Variants in ERO1B observed in about 807,000 individuals in gnomAD.
The protein encoded by ERO1B is endoplasmic reticulum oxidoreductase 1 beta.
ERO1B carries 49 observed loss-of-function variants against 75.3 expected under a neutral mutation model. The observed-to-expected ratio is 0.65, with a 90% CI of 0.52 to 0.83. The LOEUF (loss-of-function observed/expected upper bound fraction) is 0.83, where lower values mean the gene tolerates loss of function less well. Among genes scored for constraint, ERO1B ranks in the 40% least tolerant of loss-of-function variants. The pLI is 0.00. For missense variants in ERO1B, 512 were observed against 560.1 expected (o/e 0.91, Z 0.87); for synonymous variants, 191 against 192.9 (o/e 0.99, Z 0.08).
At chr1:236,250,300 T>C (rs1022243023) in intron 4 of ERO1B, among the ~76,000 whole-genome samples, 2 of 151,826 alleles carry the variant, frequency 1.3e-5, no homozygotes, top group African/African-American at 4.8e-5. Context: ...TGAAACCCCG[T>C]CTCTACTAAA....
intron 8 of ERO1B, among the ~76,000 whole-genome samples, chr1:236,233,581 G>A (rs2102944601): frequency 6.6e-6 from 1 of 150,674 alleles, no homozygotes; most frequent in Middle Eastern, 3.4e-3. Context: ...CTGAGTGACA[G>A]AGTGCGACTC....
chr1:236,256,492 C>T (rs1298731162), intron 2 of ERO1B, among the ~76,000 whole-genome samples: 1 of 152,090 alleles, frequency 6.6e-6, no homozygotes, highest in Non-Finnish European at 1.5e-5. Context: ...CCTCCATGTG[C>T]TCTAGAGACA....
At position 236,218,359 on chromosome 1, in the gene ERO1B, CTATT is replaced by C. The variant is rs1222834158; in HGVS notation, c.*153_*156del. 1 of 502,562 alleles carries C rather than the reference CTATT, an allele frequency of 2.0e-6. No individual in the cohort carries two copies. Among genetic ancestry groups the C allele is most frequent in the Non-Finnish European group, 2.9e-6 (1 of 342,020 alleles). The allele number at this position is 502,562 out of a possible 1,614,324, so 31.1% of individuals were successfully genotyped here. A position where few individuals can be genotyped will look rare whatever the true frequency, so the allele number is the denominator to read the frequency against. On this transcript the variant is annotated 3_prime_UTR_variant, in exon 16 of 16. Transcript: ENST00000354619. The stretch of plus-strand genomic sequence containing the variant: ...ATAAATATCTCTAGTTGATAATAAT[CTATT>C]AAGAATCATAAATATTCAAGTGAGC...
At chr1:236,253,377 G>T in intron 3 of ERO1B, 45 bp downstream of exon 3, 2 of 1,186,050 alleles carry the variant, frequency 1.7e-6, no homozygotes, top group Non-Finnish European at 2.5e-6. Flanking sequence ...TTTTCTAAAA[G>T]TCCAAGAGAA....
chr1:236,238,030 G>A (rs1416808045), intron 6 of ERO1B, among the ~76,000 whole-genome samples: 4 of 152,058 alleles, frequency 2.6e-5, no homozygotes, highest in African/African-American at 9.7e-5. Flanking sequence ...TAGTAGAGAC[G>A]GGGTTATGCC....
At chr1:236,222,355 T>C (rs2477590) in intron 13 of ERO1B, among the ~76,000 whole-genome samples, 71,407 of 152,064 alleles carry the variant, frequency 0.47, 17,498 homozygotes, top group East Asian at 0.88. Context: ...TCAAATGATC[T>C]GCCCACCTCG....
chr1:236,237,658 G>A (rs1276771442), intron 6 of ERO1B, among the ~76,000 whole-genome samples: 1 of 152,080 alleles, frequency 6.6e-6, no homozygotes, highest in Non-Finnish European at 1.5e-5. Context: ...TTAAACAATA[G>A]TACAGAGGCA....
In ERO1B at chr1:236,245,065, T is replaced by C. The variant is rs534888334; in HGVS notation, c.432-1570A>G. On this transcript the variant is annotated intron_variant, in intron 5 of 15. Coordinates refer to ENST00000354619, the MANE Select transcript of ERO1B (RefSeq NM_019891.4). Reference sequence around the variant, plus strand: ...GGAGTGCACTGACATCATAGTTCACTGTAGCCTTGACCTTCTGGGATCAAG... The same window carrying C: ...GGAGTGCACTGACATCATAGTTCACCGTAGCCTTGACCTTCTGGGATCAAG... 7.9e-5 allele frequency among the ~76,000 whole-genome samples: 12 copies of C among 151,216 alleles called. No individual in the cohort carries two copies. In the South Asian group the frequency reaches 2.5e-3, roughly 32 times the overall value.
chr1:236,250,724 A>G (rs1486560877), intron 4 of ERO1B, among the ~76,000 whole-genome samples: 2 of 150,958 alleles, frequency 1.3e-5, no homozygotes, highest in South Asian at 2.1e-4. Flanking sequence ...ATACATACGT[A>G]CATATATATA....
chr1:236,281,477 G>A, intron 1 of ERO1B: 2 of 393,284 alleles, frequency 5.1e-6, no homozygotes. Context: ...CCGGAGTGTC[G>A]CCGTCCCCCC....
chr1:236,253,536 A>G (rs1463484425), intron 2 of ERO1B, 31 bp from the exon 3 acceptor site: 7 of 1,445,916 alleles, frequency 4.8e-6, no homozygotes, highest in Admixed American at 1.8e-5. Flanking sequence ...TAGTAAACTC[A>G]TATTATAGTT....
intron 1 of ERO1B, among the ~76,000 whole-genome samples, chr1:236,274,219 A>G (rs1665662176): frequency 6.6e-6 from 1 of 152,072 alleles, no homozygotes; most frequent in Non-Finnish European, 1.5e-5. Context: ...CCTGGCCTCC[A>G]GTGATCCGCC....
At chr1:236,268,670 A>G (rs1426084773) in intron 2 of ERO1B, among the ~76,000 whole-genome samples, 4 of 150,142 alleles carry the variant, frequency 2.7e-5, no homozygotes, top group Non-Finnish European at 5.9e-5. Flanking sequence ...GCGGATCACA[A>G]GGTCAGGAGA....
intron 2 of ERO1B, among the ~76,000 whole-genome samples, chr1:236,263,737 T>A (rs1039261800): frequency 6.6e-6 from 1 of 151,372 alleles, no homozygotes; most frequent in African/African-American, 2.4e-5. Flanking sequence ...ATATATCTTA[T>A]CTGTTTTATC....
At position 236,237,116 on chromosome 1, in the gene ERO1B, CT is replaced by C. The variant is rs67072171; in HGVS notation, c.506-719del. 5.6e-3 allele frequency among the ~76,000 whole-genome samples: 589 copies of C among 105,446 alleles called. 2 individuals carry two copies. Among genetic ancestry groups the C allele is most frequent in the African/African-American group, 0.011 (333 of 29,088 alleles). 69.2% of individuals were successfully genotyped at this position (105,446 alleles called of 152,430 possible). A position where few individuals can be genotyped will look rare whatever the true frequency, so the allele number is the denominator to read the frequency against. Reference sequence around the variant, plus strand: ...TTTACCCCGATCTCCACTATTTGGACTTTTTTTTTTTTTTTTTTTTTGAGAC... The same window carrying C: ...TTTACCCCGATCTCCACTATTTGGACTTTTTTTTTTTTTTTTTTTTGAGAC... On this transcript the variant is annotated intron_variant, in intron 6 of 15. Transcript: ENST00000354619.
intron 2 of ERO1B, among the ~76,000 whole-genome samples, chr1:236,262,525 C>T (rs1665315374): frequency 6.6e-6 from 1 of 152,156 alleles, no homozygotes. Context: ...GCCTCAGCCT[C>T]CCAAGTAGCT....
intron 6 of ERO1B, among the ~76,000 whole-genome samples, chr1:236,239,861 A>ATATATATATGTATATATATGTG: frequency 3.7e-5 from 1 of 27,178 alleles, no homozygotes; most frequent in East Asian, 1.3e-3. Context: ...GTATATATGT[A>ATATATATATGTATATATATGTG]TATATATATG....
chr1:236,244,850 CACTA>C (rs1664801781), intron 5 of ERO1B, among the ~76,000 whole-genome samples: 1 of 152,140 alleles, frequency 6.6e-6, no homozygotes, highest in Non-Finnish European at 1.5e-5. Flanking sequence ...ATGGATGCAA[CACTA>C]TTTGCATGAG....
In ERO1B at chr1:236,263,598, G is replaced by A. The variant is rs115732227; in HGVS notation, c.222+6277C>T. Among the ~76,000 whole-genome samples the A allele has an allele frequency of 5.6e-3, 853 of 151,868 alleles. 11 individuals carry two copies. Among genetic ancestry groups the A allele is most frequent in the African/African-American group, 0.018 (761 of 41,424 alleles). On this transcript the variant is annotated intron_variant, in intron 2 of 15. Transcript: ENST00000354619. ...CACATTAAATTTACATATTAACTAGGGGCGAATTAAAATTGTTAGGCTACA... is the reference window on the plus strand; with the variant it reads ...CACATTAAATTTACATATTAACTAGAGGCGAATTAAAATTGTTAGGCTACA...
Sources: allele counts gnomAD v4.1 joint callset (sites outside exome capture counted in the v4.1 genomes callset), GRCh38; gene constraint gnomAD v4.1.1; transcripts MANE v1.5; gene names NCBI Gene and HGNC (gene_info 2026-07-23, HGNC 2026-07-21).